Variants in PPP3CA observed in about 807,000 individuals in gnomAD.
PPP3CA encodes protein phosphatase 3 catalytic subunit alpha.
PPP3CA carries 14 observed loss-of-function variants against 66.5 expected under a neutral mutation model. The ratio of observed to expected loss-of-function variants is 0.21; its 90% CI spans 0.14 to 0.33. The LOEUF (loss-of-function observed/expected upper bound fraction) is 0.33. PPP3CA is among the 10% of genes least tolerant of loss of function. PPP3CA has a pLI of 1.00. For synonymous variants in PPP3CA, 232 were observed against 226.2 expected (o/e 1.03, Z -0.23); for missense variants, 317 against 639.5 (o/e 0.50, Z 5.44).
intron 2 of PPP3CA, among the ~76,000 whole-genome samples, chr4:101,180,169 C>T (rs1724190276): frequency 6.6e-6 from 1 of 152,144 alleles, no homozygotes; most frequent in South Asian, 2.1e-4. Context: ...AACCTAATAT[C>T]CCTGTTTATC....
At chr4:101,337,658 C>T (rs1029564230) in intron 1 of PPP3CA, among the ~76,000 whole-genome samples, 1 of 152,158 alleles carries the variant, frequency 6.6e-6, no homozygotes, top group African/African-American at 2.4e-5. Context: ...TATATCCCGG[C>T]CCATGTGAGA....
chr4:101,151,652 CTTTTT>C (rs369745312), intron 2 of PPP3CA, among the ~76,000 whole-genome samples: 4,433 of 84,780 alleles, frequency 0.052, 128 homozygotes, highest in Middle Eastern at 0.26. Flanking sequence ...CCAAGGTTTC[CTTTTT>C]TTTTTTTTTT....
At chr4:101,083,323 T>C in intron 6 of PPP3CA, 60 bp from the exon 7 acceptor site, 1 of 1,384,640 alleles carries the variant, frequency 7.2e-7, no homozygotes, top group Non-Finnish European at 1.0e-6. Flanking sequence ...AGTAGCACAT[T>C]TATCTCTAAC....
intron 2 of PPP3CA, among the ~76,000 whole-genome samples, chr4:101,126,249 T>C (rs996465688): frequency 1.3e-5 from 2 of 152,210 alleles, no homozygotes; most frequent in Non-Finnish European, 2.9e-5. Context: ...CCATGACTCA[T>C]GTCTCTGAAT....
chr4:101,126,360 C>T (rs1009364944), intron 2 of PPP3CA, among the ~76,000 whole-genome samples: 17 of 152,172 alleles, frequency 1.1e-4, no homozygotes, highest in Admixed American at 5.2e-4. Context: ...ATCTAATCTT[C>T]GTTGATTCAA....
At chr4:101,168,118 G>C (rs1449775387) in intron 2 of PPP3CA, among the ~76,000 whole-genome samples, 1 of 152,160 alleles carries the variant, frequency 6.6e-6, no homozygotes, top group African/African-American at 2.4e-5. Context: ...ATCCAGCCAA[G>C]GTAGTGGAAG....
chr4:101,174,584 G>A (rs1357937963), intron 2 of PPP3CA, among the ~76,000 whole-genome samples: 9 of 152,108 alleles, frequency 5.9e-5, no homozygotes, highest in Admixed American at 5.9e-4. Context: ...AAGAATATGT[G>A]TGCAAACCTA....
chr4:101,279,977 T>C (rs1727628026), intron 1 of PPP3CA, among the ~76,000 whole-genome samples: 3 of 152,224 alleles, frequency 2.0e-5, no homozygotes, highest in Admixed American at 2.0e-4. Flanking sequence ...TTTCAGTTCC[T>C]GGAACTGAAA....
At chr4:101,150,601 C>CT (rs1203675988) in intron 2 of PPP3CA, among the ~76,000 whole-genome samples, 3 of 152,050 alleles carry the variant, frequency 2.0e-5, no homozygotes, top group Non-Finnish European at 4.4e-5. Context: ...CAGTTGTAAT[C>CT]TTTTTTTATT....
intron 2 of PPP3CA, among the ~76,000 whole-genome samples, chr4:101,110,061 C>T (rs1368752198): frequency 1.3e-5 from 2 of 151,924 alleles, no homozygotes; most frequent in Non-Finnish European, 2.9e-5. Context: ...ATTATGGTAT[C>T]TTTGATATTT....
At chr4:101,096,723 T>C (rs1205522193) in intron 5 of PPP3CA, among the ~76,000 whole-genome samples, 1 of 152,218 alleles carries the variant, frequency 6.6e-6, no homozygotes, top group African/African-American at 2.4e-5. Context: ...TATTTGTAAT[T>C]TGACTTTTCA....
At position 101,151,652 on chromosome 4, in the gene PPP3CA, C is replaced by CTTTTT. The variant is rs369745312; in HGVS notation, c.260-42579_260-42575dup. On this transcript the variant is annotated intron_variant, in intron 2 of 13. Coordinates refer to ENST00000394854, the MANE Select transcript of PPP3CA (RefSeq NM_000944.5). Reference sequence around the variant, plus strand: ...CAAAATTTAGCTAAGCCAAGGTTTCCTTTTTTTTTTTTTTTTTTTTTTGAG... The same window carrying CTTTTT: ...CAAAATTTAGCTAAGCCAAGGTTTCCTTTTTTTTTTTTTTTTTTTTTTTTTTTGAG... 1.2e-3 allele frequency among the ~76,000 whole-genome samples: 102 copies of CTTTTT among 84,818 alleles called. 3 individuals carry two copies. The highest frequency in any genetic ancestry group is 2.1e-3 in the African/African-American group (44 of 20,666). The allele number at this position is 84,818 out of a possible 152,430, so 55.6% of individuals were successfully genotyped here. A position where few individuals can be genotyped will look rare whatever the true frequency, so the allele number is the denominator to read the frequency against.
At chr4:101,333,323 C>T (rs1729506434) in intron 1 of PPP3CA, among the ~76,000 whole-genome samples, 1 of 97,296 alleles carries the variant, frequency 1.0e-5, no homozygotes, top group African/African-American at 4.4e-5. Context: ...GAGATGAGGT[C>T]TCACTATGAT....
chr4:101,106,569 T>C (rs1730765789), intron 3 of PPP3CA, among the ~76,000 whole-genome samples: 1 of 151,994 alleles, frequency 6.6e-6, no homozygotes, highest in Non-Finnish European at 1.5e-5. Flanking sequence ...CAGAAATCCT[T>C]GTCCTCCCAT....
At chr4:101,287,157 T>C (rs1727869990) in intron 1 of PPP3CA, among the ~76,000 whole-genome samples, 1 of 152,176 alleles carries the variant, frequency 6.6e-6, no homozygotes, top group South Asian at 2.1e-4. Flanking sequence ...CAAATCTGTA[T>C]TTCATTTCTG....
chr4:101,048,067 C>T (rs574863494), intron 10 of PPP3CA, among the ~76,000 whole-genome samples: 14 of 152,020 alleles, frequency 9.2e-5, no homozygotes, highest in Non-Finnish European at 1.6e-4. Context: ...TCCAATGTCT[C>T]TTTTTGTGTG....
At chr4:101,138,244 A>G (rs1244508851) in intron 2 of PPP3CA, among the ~76,000 whole-genome samples, 1 of 152,118 alleles carries the variant, frequency 6.6e-6, no homozygotes, top group Non-Finnish European at 1.5e-5. Flanking sequence ...TATGGGCTTG[A>G]GCTTTGATAT....
intron 2 of PPP3CA, among the ~76,000 whole-genome samples, chr4:101,147,655 C>T (rs942008733): frequency 2.6e-5 from 4 of 152,022 alleles, no homozygotes; most frequent in African/African-American, 9.7e-5. Context: ...AATTCATTTG[C>T]TACAATTGCT....
At chr4:101,093,239 C>T (rs1208188641) in intron 6 of PPP3CA, among the ~76,000 whole-genome samples, 4 of 152,130 alleles carry the variant, frequency 2.6e-5, no homozygotes, top group Non-Finnish European at 5.9e-5. Context: ...TTTTTGGCCA[C>T]ATAAATGTCT....
Sources: allele counts gnomAD v4.1 joint callset (sites outside exome capture counted in the v4.1 genomes callset), GRCh38; gene constraint gnomAD v4.1.1; transcripts MANE v1.5; gene names NCBI Gene and HGNC (gene_info 2026-07-23, HGNC 2026-07-21).